Variants in RBFOX1 observed in about 807,000 individuals in gnomAD.
RBFOX1 encodes RNA binding fox-1 homolog 1.
Under a neutral mutation model 57.7 loss-of-function variants are expected in RBFOX1, and 8 were observed. The ratio of observed to expected loss-of-function variants is 0.14; its 90% CI spans 0.08 to 0.25. The LOEUF (loss-of-function observed/expected upper bound fraction) is 0.25, where lower values mean the gene tolerates loss of function less well. RBFOX1 is among the 10% of genes least tolerant of loss of function. The pLI, the probability that RBFOX1 is intolerant of heterozygous loss-of-function variation, is 1.00. For synonymous variants in RBFOX1, 326 were observed against 222.4 expected (o/e 1.47, Z -4.15); for missense variants, 611 against 548.5 (o/e 1.11, Z -1.14).
At chr16:5,785,459 A>C (rs545350116) in intron 3 of RBFOX1, among the ~76,000 whole-genome samples, 1 of 151,538 alleles carries the variant, frequency 6.6e-6, no homozygotes, top group Non-Finnish European at 1.5e-5. Flanking sequence ...TTTCTGTCCT[A>C]CCTTCTGTAT....
chr16:5,560,876 C>G (rs770134560), intron 2 of RBFOX1, among the ~76,000 whole-genome samples: 3 of 152,180 alleles, frequency 2.0e-5, no homozygotes, highest in Non-Finnish European at 2.9e-5. Context: ...TGAAGGCAGC[C>G]CTGGTGCCTA....
At chr16:7,050,177 G>C (rs1294572357) in intron 3 of RBFOX1, among the ~76,000 whole-genome samples, 1 of 149,008 alleles carries the variant, frequency 6.7e-6, no homozygotes, top group Non-Finnish European at 1.5e-5. Context: ...GATATTTATA[G>C]AATTGTACCA....
At chr16:5,680,662 A>G (rs2050304844) in intron 3 of RBFOX1, among the ~76,000 whole-genome samples, 1 of 152,186 alleles carries the variant, frequency 6.6e-6, no homozygotes, top group African/African-American at 2.4e-5. Context: ...GAGGGAAGAA[A>G]AAGTAGTCTG....
At chr16:6,919,452 T>C (rs1394585529) in intron 3 of RBFOX1, among the ~76,000 whole-genome samples, 1 of 37,486 alleles carries the variant, frequency 2.7e-5, no homozygotes, top group Non-Finnish European at 6.1e-5. Flanking sequence ...CATAGAGGGT[T>C]TTTTTTTTTA....
At chr16:5,341,377 G>A (rs917327769) in intron 1 of RBFOX1, among the ~76,000 whole-genome samples, 1 of 152,118 alleles carries the variant, frequency 6.6e-6, no homozygotes, top group East Asian at 1.9e-4. Context: ...AATCCATCTG[G>A]CCCAATTATA....
intron 3 of RBFOX1, among the ~76,000 whole-genome samples, chr16:5,789,510 T>C (rs1341848549): frequency 6.6e-6 from 1 of 152,148 alleles, no homozygotes; most frequent in African/African-American, 2.4e-5. Flanking sequence ...GATGTTACTA[T>C]AGGGCATTTA....
intron 3 of RBFOX1, among the ~76,000 whole-genome samples, chr16:6,998,239 G>T (rs1026536466): frequency 6.6e-6 from 1 of 152,152 alleles, no homozygotes; most frequent in African/African-American, 2.4e-5. Context: ...TCAAATATTT[G>T]TTGCTAAATA....
chr16:5,568,404 G>A (rs997516963), intron 2 of RBFOX1, among the ~76,000 whole-genome samples: 8 of 152,152 alleles, frequency 5.3e-5, no homozygotes, highest in African/African-American at 1.9e-4. Context: ...ATTGGACATC[G>A]TATAATCTGT....
intron 1 of RBFOX1, among the ~76,000 whole-genome samples, chr16:5,434,545 T>C (rs1219206881): frequency 6.6e-6 from 1 of 152,008 alleles, no homozygotes; most frequent in East Asian, 1.9e-4. Context: ...CTCAAACTCC[T>C]GACCTCAAGT....
At chr16:7,446,796 G>A (rs568309483) in intron 4 of RBFOX1, among the ~76,000 whole-genome samples, 1 of 109,464 alleles carries the variant, frequency 9.1e-6, no homozygotes, top group Non-Finnish European at 1.8e-5. Flanking sequence ...GTAGGTCTAG[G>A]TATTTTTTTT....
rs558830932 is a variant in RBFOX1, at chr16:5,938,497, A to C, written c.351+71162A>C. Among the ~76,000 whole-genome samples, 10 of 152,292 alleles carry C rather than the reference A, an allele frequency of 6.6e-5. No individual in the cohort carries two copies. In the South Asian group the frequency reaches 2.1e-3, roughly 32 times the overall value. On this transcript the variant is annotated intron_variant, in intron 4 of 19. Coordinates refer to the RBFOX1 transcript ENST00000641259. ...AACTCAGTCTCCGTGGCAAGTTGCA[A>C]AATGTCCCCAATTCTCCATACCTCC...
chr16:6,939,675 C>G (rs534069559), intron 3 of RBFOX1, among the ~76,000 whole-genome samples: 24 of 151,978 alleles, frequency 1.6e-4, no homozygotes, highest in African/African-American at 5.5e-4. Context: ...CCATACCCAG[C>G]TAATTTTTGT....
At chr16:6,925,950 C>G (rs927672233) in intron 3 of RBFOX1, among the ~76,000 whole-genome samples, 2 of 151,972 alleles carry the variant, frequency 1.3e-5, no homozygotes, top group Non-Finnish European at 2.9e-5. Flanking sequence ...GTAACCTAAA[C>G]TCATCGTTAA....
intron 3 of RBFOX1, among the ~76,000 whole-genome samples, chr16:5,617,499 C>T (rs1047272846): frequency 6.6e-6 from 1 of 152,190 alleles, no homozygotes; most frequent in African/African-American, 2.4e-5. Context: ...TGTTCCCCTC[C>T]TTTAAGGGTG....
At chr16:7,304,366 G>A in intron 4 of RBFOX1, 3 of 985,364 alleles carry the variant, frequency 3.0e-6, no homozygotes, top group Non-Finnish European at 1.2e-6. Flanking sequence ...ACTCGGGCTC[G>A]GCGGGCGCCA....
At chr16:5,355,044 A>T (rs1404464469) in intron 1 of RBFOX1, among the ~76,000 whole-genome samples, 1 of 152,126 alleles carries the variant, frequency 6.6e-6, no homozygotes, top group Non-Finnish European at 1.5e-5. Flanking sequence ...AGAGAAGGGG[A>T]CAGACAGAGA....
intron 1 of RBFOX1, among the ~76,000 whole-genome samples, chr16:6,144,489 A>T (rs2096742657): frequency 6.6e-6 from 1 of 152,216 alleles, no homozygotes; most frequent in African/African-American, 2.4e-5. Flanking sequence ...AGTGGCTTCT[A>T]ATTTGCACAA....
rs921063029 is a variant in RBFOX1 at position 6,019,437 on chromosome 16, C to T, written c.-682C>T. The T allele has an allele frequency of 1.7e-5, 17 of 989,064 alleles. No individual in the cohort carries two copies. Among genetic ancestry groups the T allele is most frequent in the Middle Eastern group, 1.0e-3 (2 of 1,934 alleles). 61.3% of individuals were successfully genotyped at this position (989,064 alleles called of 1,614,324 possible). ...GACGGCGGACGGAGCCCAGGGGCCGCGTCGGGTGGGGAAACCCGAACTCGC... is the reference window on the plus strand; with the variant it reads ...GACGGCGGACGGAGCCCAGGGGCCGTGTCGGGTGGGGAAACCCGAACTCGC... On this transcript the variant is annotated 5_prime_UTR_variant, in exon 1 of 16. Transcript: ENST00000550418. This position sits in a 1 kb window ranked among gnomAD's most constrained non-coding sequence, Gnocchi z 4.2.
chr16:6,549,866 G>A (rs1028019588), intron 2 of RBFOX1, among the ~76,000 whole-genome samples: 2 of 152,138 alleles, frequency 1.3e-5, no homozygotes, highest in African/African-American at 4.8e-5. Context: ...CACAGTAGTA[G>A]AGAGACCTTC....
Sources: gnomAD v4.1 joint callset for allele counts (sites outside exome capture counted in the v4.1 genomes callset) on GRCh38, gnomAD v4.1.1 for gene constraint, Gnocchi (gnomAD v3.1) non-coding constraint, MANE v1.5 for transcripts, NCBI Gene and HGNC (gene_info 2026-07-23, HGNC 2026-07-21) for gene names.